Variants in MAD1L1 observed in about 807,000 individuals in gnomAD.
MAD1L1 encodes the protein mitotic spindle assembly checkpoint protein MAD1.
A neutral mutation model predicts 96.9 loss-of-function variants in MAD1L1; 95 were observed. The ratio of observed to expected loss-of-function variants is 0.98; its 90% CI spans 0.83 to 1.16. MAD1L1 has a LOEUF of 1.16. Ranked by LOEUF, MAD1L1 falls within the 50% of genes most tolerant of loss-of-function variation. The pLI is 0.00. For missense variants in MAD1L1, 1,007 were observed against 954.4 expected (o/e 1.06, Z -0.73); for synonymous variants, 473 against 396.6 (o/e 1.19, Z -2.29).
At chr7:2,083,520 G>A (rs1313445644) in intron 11 of MAD1L1, among the ~76,000 whole-genome samples, 4 of 152,236 alleles carry the variant, frequency 2.6e-5, no homozygotes, top group Non-Finnish European at 4.4e-5. Flanking sequence ...TCAGCACTCG[G>A]GCAGGTAAAT....
At chr7:2,060,246 G>A (rs969192149) in intron 12 of MAD1L1, among the ~76,000 whole-genome samples, 6 of 150,794 alleles carry the variant, frequency 4.0e-5, no homozygotes, top group Non-Finnish European at 8.8e-5. Flanking sequence ...CCGATGCCGA[G>A]ATACGCCGAT....
chr7:2,079,337 A>G (rs1785525234), intron 11 of MAD1L1, among the ~76,000 whole-genome samples: 1 of 152,244 alleles, frequency 6.6e-6, no homozygotes, highest in Non-Finnish European at 1.5e-5. Context: ...AAATGCCTCC[A>G]AGTGTCAATA....
At chr7:2,087,471 T>C (rs911925918) in intron 11 of MAD1L1, among the ~76,000 whole-genome samples, 2 of 151,972 alleles carry the variant, frequency 1.3e-5, no homozygotes, top group African/African-American at 4.8e-5. Flanking sequence ...ACCCGGGAAA[T>C]GGAGGTTGCA....
rs1224573482 is a variant in MAD1L1 at position 1,968,465 on chromosome 7, A to G, written c.1506-10746T>C. Among the ~76,000 whole-genome samples the G allele has an allele frequency of 4.7e-4, 71 of 150,700 alleles. No homozygotes were observed. The highest frequency in any genetic ancestry group is 4.6e-3 in the Admixed American group (70 of 15,162). The stretch of plus-strand genomic sequence containing the variant: ...ACGCCAGCAGTCATGTCCACCATCA[A>G]TGCCTCAGTCCAGCGGTCAGGTCCA... On this transcript the variant is annotated intron_variant, in intron 15 of 18. Coordinates refer to ENST00000265854, the MANE Select transcript of MAD1L1 (RefSeq NM_001013836.2). This position sits in a 1 kb window ranked among gnomAD's most constrained non-coding sequence, Gnocchi z 5.6.
intron 12 of MAD1L1, among the ~76,000 whole-genome samples, chr7:2,054,811 C>A (rs566640572): frequency 6.6e-6 from 1 of 152,324 alleles, no homozygotes; most frequent in African/African-American, 2.4e-5. Flanking sequence ...TAAGTATGAA[C>A]AAAGCAAGGT....
intron 18 of MAD1L1, among the ~76,000 whole-genome samples, chr7:1,861,909 C>T (rs1784551905): frequency 6.6e-6 from 1 of 151,836 alleles, no homozygotes; most frequent in South Asian, 2.1e-4. Context: ...CCGCCTGCCC[C>T]CTGGTTGGAG....
rs534500160 is a variant in MAD1L1, at chr7:2,116,607, G to A, written c.1073+32545C>T. Among the ~76,000 whole-genome samples, 3 of 151,570 alleles carry A rather than the reference G, an allele frequency of 2.0e-5. 1 individual carries two copies. The East Asian group carries it at 5.8e-4, about 30-fold the overall frequency. ...CTCCTGTGTGTACACAGGGCTGCAGGAGGTGGCGGTCAGCGGAAAAGCAGT... is the reference window on the plus strand; with the variant it reads ...CTCCTGTGTGTACACAGGGCTGCAGAAGGTGGCGGTCAGCGGAAAAGCAGT... On this transcript the variant is annotated intron_variant, in intron 11 of 18. Transcript: ENST00000265854.
At chr7:1,999,676 G>A (rs890360198) in intron 14 of MAD1L1, among the ~76,000 whole-genome samples, 11 of 152,076 alleles carry the variant, frequency 7.2e-5, no homozygotes, top group African/African-American at 2.2e-4. Context: ...CATCATGCCC[G>A]TCACTACAGT....
chr7:1,926,946 A>G (rs965805769), intron 17 of MAD1L1, among the ~76,000 whole-genome samples: 13 of 152,212 alleles, frequency 8.5e-5, no homozygotes, highest in African/African-American at 1.7e-4. Flanking sequence ...AACTGTCCCT[A>G]TTCACAGGTG....
intron 12 of MAD1L1, among the ~76,000 whole-genome samples, chr7:2,046,456 A>C (rs1438513830): frequency 1.6e-5 from 2 of 121,502 alleles, no homozygotes; most frequent in African/African-American, 3.1e-5. Context: ...GGCACTGCCC[A>C]TGAAATGATT....
chr7:2,048,281 C>T (rs767612550), intron 12 of MAD1L1, among the ~76,000 whole-genome samples: 12 of 152,220 alleles, frequency 7.9e-5, no homozygotes, highest in African/African-American at 1.2e-4. Flanking sequence ...GGAGAATGAG[C>T]AGCTACCTGG....
chr7:1,822,445 T>TA (rs1782177595), intron 18 of MAD1L1, among the ~76,000 whole-genome samples: 28 of 144,422 alleles, frequency 1.9e-4, no homozygotes, highest in African/African-American at 6.9e-4. Context: ...TATATATATT[T>TA]TTTTTTTTTT....
chr7:1,836,964 A>C (rs943650434), intron 18 of MAD1L1, among the ~76,000 whole-genome samples: 1 of 152,252 alleles, frequency 6.6e-6, no homozygotes, highest in Non-Finnish European at 1.5e-5. Context: ...AAGACGGGTA[A>C]GTTAGACTTA....
At chr7:1,923,310 T>C (rs1001839904) in intron 17 of MAD1L1, among the ~76,000 whole-genome samples, 4 of 152,242 alleles carry the variant, frequency 2.6e-5, no homozygotes, top group African/African-American at 9.6e-5. Flanking sequence ...CAGTCTGGAC[T>C]TGGGGACCCC....
intron 18 of MAD1L1, among the ~76,000 whole-genome samples, chr7:1,870,052 G>A (rs979786424): frequency 6.6e-6 from 1 of 152,144 alleles, no homozygotes; most frequent in African/African-American, 2.4e-5. Flanking sequence ...GCCCAGACAC[G>A]GCAGAACAAG....
Position 2,193,048 on chromosome 7 carries a change from A to C in MAD1L1, c.986+20164T>G, listed in dbSNP as rs189262333. 2.4e-3 allele frequency among the ~76,000 whole-genome samples: 373 copies of C among 152,316 alleles called. 1 individual carries two copies. The highest frequency in any genetic ancestry group is 3.8e-3 in the Non-Finnish European group (258 of 68,028). Reference sequence around the variant, plus strand: ...AAACAGTGGTTCATGTTTTTGATGGAGACAAAAGCAACTCCTCACAGTACA... The same window carrying C: ...AAACAGTGGTTCATGTTTTTGATGGCGACAAAAGCAACTCCTCACAGTACA... On this transcript the variant is annotated intron_variant, in intron 10 of 18. Coordinates refer to ENST00000265854, the MANE Select transcript of MAD1L1 (RefSeq NM_001013836.2).
intron 11 of MAD1L1, among the ~76,000 whole-genome samples, chr7:2,097,117 C>T (rs1786533072): frequency 6.6e-6 from 1 of 152,156 alleles, no homozygotes; most frequent in African/African-American, 2.4e-5. Flanking sequence ...AGGCTCCTGG[C>T]TCCACCACAC....
intron 13 of MAD1L1, among the ~76,000 whole-genome samples, chr7:2,011,214 C>A (rs1234744090): frequency 6.6e-6 from 1 of 152,016 alleles, no homozygotes; most frequent in African/African-American, 2.4e-5. Context: ...TGTGCAGGGT[C>A]TCCAGAGCAG....
chr7:2,028,006 G>A (rs1389083903), intron 12 of MAD1L1, among the ~76,000 whole-genome samples: 1 of 152,146 alleles, frequency 6.6e-6, no homozygotes, highest in African/African-American at 2.4e-5. Context: ...CAGGACCAAA[G>A]TTAATAATCA....
Sources: allele counts gnomAD v4.1 joint callset (sites outside exome capture counted in the v4.1 genomes callset), GRCh38; gene constraint gnomAD v4.1.1; non-coding constraint Gnocchi (gnomAD v3.1); transcripts MANE v1.5; gene names NCBI Gene and HGNC (gene_info 2026-07-23, HGNC 2026-07-21).